The following EVI5 variants were observed in gnomAD, a reference collection of about 807,000 sequenced individuals.
EVI5 encodes the protein ecotropic viral integration site 5 protein homolog.
EVI5 carries 73 observed loss-of-function variants against 112.0 expected under a neutral mutation model. The observed-to-expected ratio is 0.65, with a 90% CI of 0.54 to 0.79. The LOEUF is 0.79. Among genes scored for constraint, EVI5 ranks in the 30% least tolerant of loss-of-function variants. The pLI is 0.00. For missense variants in EVI5, 900 were observed against 968.8 expected (o/e 0.93, Z 0.94); for synonymous variants, 305 against 319.9 (o/e 0.95, Z 0.50).
At chr1:92,592,025 C>T (rs933603686) in intron 18 of EVI5, among the ~76,000 whole-genome samples, 15 of 152,142 alleles carry the variant, frequency 9.9e-5, no homozygotes, top group African/African-American at 3.6e-4. Context: ...GGGCGGTTCA[C>T]AAGGTCAGGA....
At chr1:92,663,815 C>T (rs1664420090) in intron 11 of EVI5, among the ~76,000 whole-genome samples, 1 of 152,140 alleles carries the variant, frequency 6.6e-6, no homozygotes, top group South Asian at 2.1e-4. Flanking sequence ...CATCATGTAG[C>T]TCATTGTAAC....
chr1:92,522,071 G>A (rs1168313311), intron 19 of EVI5, among the ~76,000 whole-genome samples: 1 of 152,078 alleles, frequency 6.6e-6, no homozygotes, highest in East Asian at 1.9e-4. Flanking sequence ...AACATTTCTT[G>A]TTGTCATAAT....
At chr1:92,614,867 T>C (rs892513322) in intron 16 of EVI5, among the ~76,000 whole-genome samples, 2 of 9,752 alleles carry the variant, frequency 2.1e-4, no homozygotes, top group African/African-American at 1.3e-3. Context: ...TATATATATA[T>C]ATATATATAT....
Position 92,509,257 on chromosome 1 carries a change from A to G in EVI5, c.*4399T>C, listed in dbSNP as rs1659041151. Reference sequence around the variant, plus strand: ...AGAAATAATATACTTAAAAAGGTGTAGACCTTATTTTCAATCAAAGGCACT... The same window carrying G: ...AGAAATAATATACTTAAAAAGGTGTGGACCTTATTTTCAATCAAAGGCACT... On this transcript the variant is annotated 3_prime_UTR_variant, in exon 20 of 20. Transcript: ENST00000684568. 1 of 152,658 alleles carries G rather than the reference A, an allele frequency of 6.6e-6. No individual in the cohort carries two copies. Among genetic ancestry groups the G allele is most frequent in the South Asian group, 2.1e-4 (1 of 4,836 alleles). 9.5% of individuals were successfully genotyped at this position (152,658 alleles called of 1,614,324 possible). A position where few individuals can be genotyped will look rare whatever the true frequency, so the allele number is the denominator to read the frequency against.
intron 14 of EVI5, among the ~76,000 whole-genome samples, chr1:92,634,139 G>A (rs920519249): frequency 6.6e-6 from 1 of 152,110 alleles, no homozygotes; most frequent in Non-Finnish European, 1.5e-5. Context: ...CAACTTTGGT[G>A]AATCTGACAA....
rs368761381 is a variant in EVI5 at position 92,693,726 on chromosome 1, C to T, written c.1097+76G>A. On this transcript the variant is annotated intron_variant, in intron 9 of 19. Coordinates refer to ENST00000684568, the MANE Select transcript of EVI5 (RefSeq NM_001350197.2). The stretch of plus-strand genomic sequence containing the variant: ...CGAAGAAAATAATATAGTTCTATAA[C>T]CTAAGGAGGAAAACTGTATCACTAG... The T allele has an allele frequency of 3.2e-5, 25 of 779,328 alleles. No homozygotes were observed. In the East Asian group the frequency reaches 5.9e-4, roughly 18 times the overall value. 48.3% of individuals were successfully genotyped at this position (779,328 alleles called of 1,614,324 possible). A position where few individuals can be genotyped will look rare whatever the true frequency, so the allele number is the denominator to read the frequency against.
chr1:92,656,177 A>T (rs1662966530), intron 13 of EVI5, among the ~76,000 whole-genome samples: 1 of 152,172 alleles, frequency 6.6e-6, no homozygotes, highest in African/African-American at 2.4e-5. Context: ...AATTTTCAAA[A>T]ATCAAAATCA....
chr1:92,631,574 T>C (rs957335703), intron 14 of EVI5, among the ~76,000 whole-genome samples: 1 of 152,196 alleles, frequency 6.6e-6, no homozygotes, highest in Non-Finnish European at 1.5e-5. Flanking sequence ...CTTAAGGAGA[T>C]TCTGGGCTGA....
intron 16 of EVI5, among the ~76,000 whole-genome samples, chr1:92,618,322 C>T (rs369214469): frequency 2.6e-4 from 39 of 152,078 alleles, no homozygotes; most frequent in African/African-American, 5.6e-4. Context: ...GAGGGAGGAA[C>T]GCTACCACCA....
intron 1 of EVI5, among the ~76,000 whole-genome samples, chr1:92,747,557 T>C (rs559789466): frequency 4.2e-4 from 64 of 151,658 alleles, no homozygotes; most frequent in African/African-American, 1.4e-3. Flanking sequence ...CTACCAAAAA[T>C]ACAAAAATTA....
chr1:92,637,744 TTAATA>T (rs1659182435), intron 13 of EVI5, among the ~76,000 whole-genome samples: 2 of 152,274 alleles, frequency 1.3e-5, no homozygotes, highest in African/African-American at 4.8e-5. Flanking sequence ...TTTTTACTCT[TTAATA>T]TGTTAGGAAC....
At chr1:92,543,516 T>C (rs911022575) in intron 19 of EVI5, among the ~76,000 whole-genome samples, 1 of 152,226 alleles carries the variant, frequency 6.6e-6, no homozygotes. Context: ...TTCTTATCAT[T>C]TGTGTTTTCA....
chr1:92,674,477 T>C (rs12743416), intron 10 of EVI5, among the ~76,000 whole-genome samples: 1 of 151,212 alleles, frequency 6.6e-6, no homozygotes, highest in Admixed American at 6.6e-5. Context: ...TAAGCAGGAG[T>C]TGAACAATGA....
chr1:92,671,467 T>G (rs1433131522), intron 10 of EVI5, among the ~76,000 whole-genome samples: 1 of 152,226 alleles, frequency 6.6e-6, no homozygotes, highest in African/African-American at 2.4e-5. Context: ...CCCATTCTCA[T>G]GGCTTTCAAT....
At chr1:92,748,355 A>T (rs1225569364) in intron 1 of EVI5, among the ~76,000 whole-genome samples, 1 of 152,120 alleles carries the variant, frequency 6.6e-6, no homozygotes, top group African/African-American at 2.4e-5. Context: ...ATGTGAACAT[A>T]CCCCCAACTG....
intron 13 of EVI5, among the ~76,000 whole-genome samples, chr1:92,640,103 A>C (rs1659651362): frequency 6.6e-6 from 1 of 152,242 alleles, no homozygotes; most frequent in Non-Finnish European, 1.5e-5. Context: ...ATGTTATACA[A>C]AAATTTACTC....
At chr1:92,554,756 C>T (rs750589938) in intron 19 of EVI5, among the ~76,000 whole-genome samples, 3 of 152,058 alleles carry the variant, frequency 2.0e-5, no homozygotes, top group Admixed American at 6.6e-5. Context: ...ATCCCTTGAG[C>T]CCAGGAGTTC....
At chr1:92,593,563 T>C (rs1257010785) in intron 18 of EVI5, among the ~76,000 whole-genome samples, 2 of 152,224 alleles carry the variant, frequency 1.3e-5, no homozygotes, top group Non-Finnish European at 2.9e-5. Flanking sequence ...TTGGAAATTC[T>C]GGCCAGGGCA....
At chr1:92,593,734 A>T (rs1274784100) in intron 18 of EVI5, among the ~76,000 whole-genome samples, 1 of 152,222 alleles carries the variant, frequency 6.6e-6, no homozygotes, top group African/African-American at 2.4e-5. Context: ...TCAGGATACA[A>T]AATCAATGTA....
Sources: gnomAD v4.1 joint callset for allele counts (sites outside exome capture counted in the v4.1 genomes callset) on GRCh38, gnomAD v4.1.1 for gene constraint, MANE v1.5 for transcripts, NCBI Gene and HGNC (gene_info 2026-07-23, HGNC 2026-07-21) for gene names.